Variants in CYFIP2 observed in about 807,000 individuals in gnomAD.
CYFIP2 encodes cytoplasmic FMR1-interacting protein 2.
In CYFIP2, 29 loss-of-function variants were observed where a neutral mutation model predicts 158.7. The ratio of observed to expected loss-of-function variants is 0.18; its 90% CI spans 0.14 to 0.25. The LOEUF (loss-of-function observed/expected upper bound fraction) is 0.25, where lower values mean the gene tolerates loss of function less well. CYFIP2 is among the 10% of genes least tolerant of loss of function. CYFIP2 has a pLI of 1.00. For missense variants in CYFIP2, 852 were observed against 1,639.5 expected (o/e 0.52, Z 8.29); for synonymous variants, 585 against 617.6 (o/e 0.95, Z 0.78).
intron 26 of CYFIP2, chr5:157,364,997 T>G (rs982844663): frequency 6.6e-6 from 1 of 152,142 alleles, no homozygotes; most frequent in African/African-American, 2.4e-5. Flanking sequence ...ATATTGAGCT[T>G]TAAAAAGTTT....
At chr5:157,385,522 T>A (rs1766587573) in intron 28 of CYFIP2, among the ~76,000 whole-genome samples, 1 of 152,188 alleles carries the variant, frequency 6.6e-6, no homozygotes, top group African/African-American at 2.4e-5. Context: ...TTGCATTTGT[T>A]TGAGACAAAT....
In CYFIP2 at chr5:157,383,320, C is replaced by G. The variant is rs754025772; in HGVS notation, c.3168C>G (p.Leu1056=). ...GTCTGGAAGCCAAGTATGCCCCGCT[C>G]CACCTGGTCCCTCTGATCGAGCGGC... ...MKRLEAKYAP[L]HLVPLIERLG... Residue 1056 remains leucine (L), a synonymous_variant, in exon 28 of 31, where the codon CTC becomes CTG. Transcript: ENST00000620254. 18 of 1,613,810 alleles carry G rather than the reference C, an allele frequency of 1.1e-5. No individual in the cohort carries two copies. Among genetic ancestry groups the G allele is most frequent in the Non-Finnish European group, 1.4e-5 (17 of 1,179,884 alleles).
intron 26 of CYFIP2, chr5:157,363,967 TCA>T (rs1431587744): frequency 2.0e-5 from 3 of 152,124 alleles, no homozygotes; most frequent in African/African-American, 4.8e-5. Context: ...CCTGCCATTC[TCA>T]GACTCTCCCT....
intron 1 of CYFIP2, among the ~76,000 whole-genome samples, chr5:157,282,400 G>A (rs1435414494): frequency 6.6e-6 from 1 of 152,144 alleles, no homozygotes; most frequent in Non-Finnish European, 1.5e-5. Context: ...CATTCATGAG[G>A]GACCTGCCCA....
chr5:157,294,033 A>G (rs1580992578), intron 3 of CYFIP2, among the ~76,000 whole-genome samples: 3 of 152,272 alleles, frequency 2.0e-5, no homozygotes, highest in East Asian at 1.9e-4. Context: ...ACATTCTACA[A>G]TAGTGTTGGT....
chr5:157,319,789 G>A lies in CYFIP2; in HGVS notation c.1384G>A (p.Val462Met). Reference sequence around the variant, plus strand: ...GATCGCCATGATCAAAGGCCTGCAGGTGCTCATGGGCAGGATGGAGAGCGT... The same window carrying A: ...GATCGCCATGATCAAAGGCCTGCAGATGCTCATGGGCAGGATGGAGAGCGT... ...EVIAMIKGLQ[V>M]LMGRMESVFN... Residue 462 changes from valine to methionine, a missense_variant, in exon 14 of 31, where the codon GTG becomes ATG. Val to Met is a conservative substitution (Grantham distance 21, BLOSUM62 1). This residue lies in a region of CYFIP2 where 167 missense variants were observed against 343.3 expected (regional missense o/e 0.49). Coordinates refer to ENST00000620254, the MANE Select transcript of CYFIP2 (RefSeq NM_001037333.3). 6.2e-7 allele frequency: 1 copy of A among 1,614,098 alleles called. No individual in the cohort carries two copies. Among genetic ancestry groups the A allele is most frequent in the Non-Finnish European group, 8.5e-7 (1 of 1,179,938 alleles).
chr5:157,285,375 T>C lies in CYFIP2; in HGVS notation c.14T>C (p.Val5Ala). ...GAAACTGCAGCCATGACCACGCACG[T>C]CACCCTGGAAGATGCCCTGTCCAAC... MTTH[V>A]TLEDALSNVD... The change falls in exon 2 of 31, where the codon GTC (valine) becomes GCC (alanine). Residue 5 changes from valine to alanine, a missense_variant. Physicochemically the swap from Val to Ala is moderately conservative, Grantham distance 64. Transcript: ENST00000620254. 6.4e-7 allele frequency: 1 copy of C among 1,571,358 alleles called. No homozygotes were observed. Among genetic ancestry groups the C allele is most frequent in the Non-Finnish European group, 8.6e-7 (1 of 1,158,320 alleles).
intron 27 of CYFIP2, 93 bp from the exon 28 acceptor site, chr5:157,383,172 C>A: frequency 9.4e-7 from 1 of 1,069,382 alleles, no homozygotes; most frequent in Non-Finnish European, 1.4e-6. Flanking sequence ...TTTTGGAATG[C>A]AGATACATCA....
At chr5:157,315,800 TA>T (rs1264169996) in intron 13 of CYFIP2, among the ~76,000 whole-genome samples, 1 of 152,194 alleles carries the variant, frequency 6.6e-6, no homozygotes, top group East Asian at 1.9e-4. Flanking sequence ...ATGCAGTCTC[TA>T]AAAAAGGTAT....
At chr5:157,386,420 A>G (rs1052539724) in intron 28 of CYFIP2, among the ~76,000 whole-genome samples, 1 of 151,994 alleles carries the variant, frequency 6.6e-6, no homozygotes, top group East Asian at 1.9e-4. Flanking sequence ...AGGTGTCACT[A>G]TGTTGCCCAG....
chr5:157,289,868 C>T (rs370450572), intron 3 of CYFIP2, among the ~76,000 whole-genome samples: 4 of 152,092 alleles, frequency 2.6e-5, no homozygotes, highest in South Asian at 4.1e-4. Context: ...ATGAACAGAA[C>T]GCAGCTTGGG....
intron 29 of CYFIP2, 124 bp from the exon 30 acceptor site, chr5:157,390,397 A>T: frequency 1.2e-6 from 1 of 868,954 alleles, no homozygotes; most frequent in Non-Finnish European, 1.7e-6. Flanking sequence ...TTTATAGGTT[A>T]AGAGACTTGG....
chr5:157,346,248 A>G (rs1762681641), intron 23 of CYFIP2, among the ~76,000 whole-genome samples: 1 of 152,102 alleles, frequency 6.6e-6, no homozygotes. Flanking sequence ...ACAGCCCTGA[A>G]CCCCTGTCAA....
At chr5:157,288,592 C>T (rs779492476) in intron 3 of CYFIP2, 4 of 455,874 alleles carry the variant, frequency 8.8e-6, no homozygotes, top group Non-Finnish European at 1.8e-5. Context: ...TACCATTTAT[C>T]GAATGCTTTT....
intron 14 of CYFIP2, 143 bp from the exon 15 acceptor site, chr5:157,320,512 G>A: frequency 9.1e-7 from 1 of 1,096,010 alleles, no homozygotes; most frequent in Non-Finnish European, 1.3e-6. Flanking sequence ...TTGGAATTGG[G>A]GCAGAAATGA....
In CYFIP2 at chr5:157,330,816, G is replaced by A. The variant is rs376060688; in HGVS notation, c.2231G>A (p.Arg744His). The change falls in exon 20 of 31, where the codon CGC becomes CAC. Residue 744 changes from arginine to histidine, a missense_variant. Physicochemically the swap from Arg to His is conservative, Grantham distance 29 (BLOSUM62 0). This residue lies in a region of CYFIP2 where 191 missense variants were observed against 311.2 expected (regional missense o/e 0.61). Transcript: ENST00000620254. ...GVIIPYPPSN[R>H]YETLLKQRHV... is the part of the protein sequence containing the mutation. Reference sequence around the variant, plus strand: ...ATCATTCCGTATCCACCGTCCAATCGCTATGAAACACTGCTGAAGCAGAGA... The same window carrying A: ...ATCATTCCGTATCCACCGTCCAATCACTATGAAACACTGCTGAAGCAGAGA... The A allele has an allele frequency of 7.4e-6, 12 of 1,613,826 alleles. No individual in the cohort carries two copies. The highest frequency in any genetic ancestry group is 2.2e-5 in the East Asian group (1 of 44,894).
chr5:157,283,713 A>C (rs1329900346), intron 1 of CYFIP2, among the ~76,000 whole-genome samples: 1 of 152,184 alleles, frequency 6.6e-6, no homozygotes, highest in East Asian at 1.9e-4. Context: ...GCTGCACAGC[A>C]GCCAGTGAAG....
chr5:157,322,412 C>T (rs572405426), intron 15 of CYFIP2, among the ~76,000 whole-genome samples: 10 of 152,150 alleles, frequency 6.6e-5, no homozygotes, highest in African/African-American at 1.4e-4. Context: ...AGTAAAAGTA[C>T]GTGGGAAAAA....
rs560777300 is a variant in CYFIP2, at chr5:157,361,164, A to G, written c.2909-304A>G. Among the ~76,000 whole-genome samples, 1 of 152,300 alleles carries G rather than the reference A, an allele frequency of 6.6e-6. No individual in the cohort carries two copies. Among genetic ancestry groups the G allele is most frequent in the East Asian group, 1.9e-4 (1 of 5,184 alleles). On this transcript the variant is annotated intron_variant, in intron 25 of 30. Transcript: ENST00000620254. This position sits in a 1 kb window ranked among gnomAD's most constrained non-coding sequence, Gnocchi z 4.4. ...ATATTAATTCCTGTCATGATTAGGAAGTCAGGCAACTTTGGAGGGACTGGG... is the reference window on the plus strand; with the variant it reads ...ATATTAATTCCTGTCATGATTAGGAGGTCAGGCAACTTTGGAGGGACTGGG...
Sources: allele counts gnomAD v4.1 joint callset (sites outside exome capture counted in the v4.1 genomes callset), GRCh38; gene constraint gnomAD v4.1.1; regional missense constraint gnomAD v4.1.1; non-coding constraint Gnocchi (gnomAD v3.1); transcripts MANE v1.5; gene names NCBI Gene and HGNC (gene_info 2026-07-23, HGNC 2026-07-21).